Variants in ARR3 observed in about 807,000 individuals in gnomAD.
The protein encoded by ARR3 is arrestin 3.
Under a neutral mutation model 35.4 loss-of-function variants are expected in ARR3, and 14 were observed. The observed-to-expected ratio is 0.40, with a 90% confidence interval of 0.26 to 0.62. The LOEUF is 0.62. ARR3 is among the 20% of genes least tolerant of loss of function. The pLI is 0.46. For synonymous variants in ARR3, 97 were observed against 119.1 expected (o/e 0.81, Z 1.21); for missense variants, 259 against 303.8 (o/e 0.85, Z 1.10).
chrX:70,281,170 T>C (rs2085682263), intron 16 of ARR3, 62 bp downstream of exon 16: 5 of 1,178,796 alleles, frequency 4.2e-6, no homozygotes, highest in Middle Eastern at 2.3e-4. Context: ...CTCCATGTTA[T>C]GACGATAGAA....
chrX:70,277,763 C>T lies in ARR3; in HGVS notation c.657C>T (p.Asn219=), dbSNP rs750875486. ...TCTCTGTCAATGTTTCTATCAACAA[C>T]TGCACCAACAAGGTCATCAAAAAAA... The part of the protein sequence containing the change: ...EPISVNVSIN[N]CTNKVIKKIK... The change falls in exon 10 of 17, where the codon AAC becomes AAT. Residue 219 remains asparagine (N), a synonymous_variant. Coordinates refer to ENST00000307959, the MANE Select transcript of ARR3 (RefSeq NM_004312.3). 12 of 1,208,934 alleles carry T rather than the reference C, an allele frequency of 9.9e-6. No individual in the cohort carries two copies. Among genetic ancestry groups the T allele is most frequent in the Non-Finnish European group, 1.3e-5 (12 of 894,511 alleles).
chrX:70,269,264 C>T, intron 1 of ARR3, 92 bp from the exon 2 acceptor site: 1 of 936,167 alleles, frequency 1.1e-6, no homozygotes. Context: ...GGAAAGGTTA[C>T]ATCACACTAG....
In ARR3 at chrX:70,281,679, T is replaced by A. The variant is rs773880916; in HGVS notation, c.1080T>A (p.Ser360=). The change falls in exon 17 of 17, where the codon TCT becomes TCA. Residue 360 remains serine (S), a synonymous_variant. Transcript: ENST00000307959. The stretch of plus-strand genomic sequence containing the variant: ...TCTCTTCTGCTGCTTCTGCAAGCTC[T>A]GAGGACATAGTCATCGAGGAGTTTA... The part of the protein sequence containing the change: ...HPKPSHEAAS[S]EDIVIEEFTR... 1.4e-5 allele frequency: 16 copies of A among 1,180,327 alleles called. No homozygotes were observed. The highest frequency in any genetic ancestry group is 1.3e-5 in the Non-Finnish European group (11 of 879,694).
At chrX:70,269,822 T>C (rs748277235) in intron 3 of ARR3, 21 bp from the exon 4 acceptor site, 7 of 1,202,390 alleles carry the variant, frequency 5.8e-6, no homozygotes, top group South Asian at 5.4e-5. Context: ...GAGAATAACA[T>C]GGGAAGTTGT....
Position 70,276,112 on chromosome X carries a change from A to T in ARR3, c.176A>T (p.Tyr59Phe). Residue 59 changes from tyrosine to phenylalanine, a missense_variant, in exon 6 of 17, where the codon TAT becomes TTT. By Grantham distance (22) the Tyr-to-Phe change is conservative. Coordinates refer to ENST00000307959, the MANE Select transcript of ARR3 (RefSeq NM_004312.3). ...GTCATGTTGACATGTGCCTTTCGCT[A>T]TGGCCGTGATGACTTGGAAGTGATT... Reference protein sequence around the residue: ...LFVMLTCAFRYGRDDLEVIGL... With the variant: ...LFVMLTCAFRFGRDDLEVIGL... 1.7e-6 allele frequency: 2 copies of T among 1,211,607 alleles called. No homozygotes were observed. Among genetic ancestry groups the T allele is most frequent in the Non-Finnish European group, 2.2e-6 (2 of 895,459 alleles).
Position 70,269,410 on chromosome X carries a change from A to G in ARR3, c.8+17A>G, listed in dbSNP as rs775310352. Reference sequence around the variant, plus strand: ...CATGTCCAAGTAAGAATTCCTTCTAATCCTCTGAACCTGTGAATTGCTCCC... The same window carrying G: ...CATGTCCAAGTAAGAATTCCTTCTAGTCCTCTGAACCTGTGAATTGCTCCC... On this transcript the variant is annotated intron_variant, in intron 2 of 16. Transcript: ENST00000307959. The G allele has an allele frequency of 2.5e-6, 3 of 1,190,839 alleles. No individual in the cohort carries two copies. The highest frequency in any genetic ancestry group is 3.6e-5 in the South Asian group (2 of 56,131).
intron 15 of ARR3, 92 bp from the exon 16 acceptor site, chrX:70,281,007 G>GGC (rs1555941803): frequency 2.5e-5 from 24 of 962,345 alleles, no homozygotes; most frequent in African/African-American, 6.2e-5. Flanking sequence ...GAAGTTGGGG[G>GGC]GGGGGGAAGT....
intron 7 of ARR3, 40 bp from the exon 8 acceptor site, chrX:70,276,629 G>A (rs943544455): frequency 3.4e-6 from 4 of 1,192,099 alleles, no homozygotes; most frequent in Non-Finnish European, 4.6e-6. Context: ...AGGGAGGACA[G>A]CACTGGAAAT....
At position 70,270,153 on chromosome X, in the gene ARR3, A is replaced by G; in HGVS notation, c.145+9A>G. ...CTTAAAATGTCGAAAGTGTAAGTGG[A>G]AATCCTTGTTGGTCTTTGTATGTTT... is the stretch of plus-strand genomic sequence containing the variant. On this transcript the variant is annotated intron_variant, in intron 5 of 16. Transcript: ENST00000307959. 1.7e-6 allele frequency: 2 copies of G among 1,207,746 alleles called. No homozygotes were observed. Among genetic ancestry groups the G allele is most frequent in the South Asian group, 3.5e-5 (2 of 56,863 alleles).
intron 4 of ARR3, 42 bp from the exon 5 acceptor site, chrX:70,270,058 A>C: frequency 8.3e-7 from 1 of 1,202,491 alleles, no homozygotes; most frequent in Non-Finnish European, 1.1e-6. Context: ...ATAGTCTGAG[A>C]GTTTTTCCTG....
At chrX:70,271,274 CT>C (rs1252456707) in intron 5 of ARR3, among the ~76,000 whole-genome samples, 5 of 111,930 alleles carry the variant, frequency 4.5e-5, no homozygotes, top group Non-Finnish European at 9.4e-5. Context: ...TGCATTTTTC[CT>C]TTTATTCTAA....
At chrX:70,270,794 A>T (rs1013170460) in intron 5 of ARR3, among the ~76,000 whole-genome samples, 2 of 110,697 alleles carry the variant, frequency 1.8e-5, no homozygotes, top group African/African-American at 6.6e-5. Context: ...CAAGAAAAAA[A>T]AATCCCAAAC....
At chrX:70,277,327 G>A in intron 8 of ARR3, 67 bp from the exon 9 acceptor site, 2 of 1,161,395 alleles carry the variant, frequency 1.7e-6, no homozygotes, top group South Asian at 4.0e-5. Context: ...GACTATGGGG[G>A]TGGCATGGGA....
chrX:70,281,477 G>A (rs1308846733), intron 16 of ARR3, among the ~76,000 whole-genome samples, 199 bp from the exon 17 acceptor site: 1 of 110,674 alleles, frequency 9.0e-6, no homozygotes, highest in Non-Finnish European at 1.9e-5. Context: ...GGACTTTTGT[G>A]CTGGGAAATT....
chrX:70,280,872 A>C, intron 15 of ARR3, 54 bp downstream of exon 15: 1 of 1,184,340 alleles, frequency 8.4e-7, no homozygotes, highest in Non-Finnish European at 1.1e-6. Context: ...CTGGGGTCCA[A>C]ACCATTCTGA....
At chrX:70,269,767 G>A in intron 3 of ARR3, 75 bp downstream of exon 3, 3 of 1,190,147 alleles carry the variant, frequency 2.5e-6, no homozygotes, top group Admixed American at 2.3e-5. Context: ...AGGTCTCAGG[G>A]GTCTGGGTTG....
Position 70,270,144 on chromosome X carries a change from T to C in ARR3, c.145T>C (p.Leu49=), listed in dbSNP as rs765607894. 1 of 1,209,637 alleles carries C rather than the reference T, an allele frequency of 8.3e-7. No individual in the cohort carries two copies. Among genetic ancestry groups the C allele is most frequent in the Non-Finnish European group, 1.1e-6 (1 of 893,596 alleles). Residue 49 remains leucine, a splice_region_variant and synonymous_variant, in exon 5 of 17, where the codon TTG becomes CTG. Coordinates refer to ENST00000307959, the MANE Select transcript of ARR3 (RefSeq NM_004312.3). The stretch of plus-strand genomic sequence containing the variant: ...TCCTGAGTACTTAAAATGTCGAAAG[T>C]GTAAGTGGAAATCCTTGTTGGTCTT... ...VDPEYLKCRK[L]FVMLTCAFRY...
intron 5 of ARR3, among the ~76,000 whole-genome samples, chrX:70,270,963 A>C (rs2085627996): frequency 9.0e-6 from 1 of 110,855 alleles, no homozygotes; most frequent in Non-Finnish European, 1.9e-5. Context: ...TAGACTGAAA[A>C]TTGGGTTTGA....
In ARR3 at chrX:70,269,852, T is replaced by C. The variant is rs2085622966; in HGVS notation, c.49T>C (p.Tyr17His). ...KTSSNGKLSI[Y>H]LGKRDFVDHV... ...AGTTGTTCCACAACAGCTCTCCATCTACCTGGGGAAACGGGACTTCGTGGA... is the reference window on the plus strand; with the variant it reads ...AGTTGTTCCACAACAGCTCTCCATCCACCTGGGGAAACGGGACTTCGTGGA... The change falls in exon 4 of 17, where the codon TAC (tyrosine) becomes CAC (histidine). Residue 17 changes from tyrosine to histidine, a missense_variant. Physicochemically the swap from Tyr to His is moderately conservative, Grantham distance 83. Coordinates refer to ENST00000307959, the MANE Select transcript of ARR3 (RefSeq NM_004312.3). The C allele has an allele frequency of 8.3e-7, 1 of 1,209,033 alleles. No individual in the cohort carries two copies. Among genetic ancestry groups the C allele is most frequent in the Non-Finnish European group, 1.1e-6 (1 of 894,081 alleles).
Sources: allele counts gnomAD v4.1 joint callset (sites outside exome capture counted in the v4.1 genomes callset), GRCh38; gene constraint gnomAD v4.1.1; transcripts MANE v1.5; gene names NCBI Gene and HGNC (gene_info 2026-07-23, HGNC 2026-07-21).